KIF11: variants seen among roughly 807,000 people sequenced by gnomAD.
KIF11 encodes kinesin family member 11.
Under a neutral mutation model 121.0 loss-of-function variants are expected in KIF11, and 9 were observed. That is an observed-to-expected ratio of 0.07 (90% CI 0.04 to 0.13). The LOEUF is 0.13. Among genes scored for constraint, KIF11 ranks in the 10% least tolerant of loss-of-function variants. The pLI is 1.00. For missense variants in KIF11, 846 were observed against 1,217.5 expected (o/e 0.69, Z 4.54); for synonymous variants, 408 against 421.0 (o/e 0.97, Z 0.38).
chr10:92,654,239 C>T lies in KIF11; in HGVS notation c.*443C>T, dbSNP rs1449394518. On this transcript the variant is annotated 3_prime_UTR_variant, in exon 22 of 22. Transcript: ENST00000260731. ...ATTCAGTTGAATTTTGATATCTACC[C>T]ATTTTTCTGTCATCCCTATAGTTCA... 6.6e-6 allele frequency: 1 copy of T among 152,622 alleles called. No individual in the cohort carries two copies. Among genetic ancestry groups the T allele is most frequent in the Non-Finnish European group, 1.5e-5 (1 of 68,336 alleles). The allele number at this position is 152,622 out of a possible 1,614,324, so 9.5% of individuals were successfully genotyped here. A position where few individuals can be genotyped will look rare whatever the true frequency, so the allele number is the denominator to read the frequency against.
Position 92,633,810 on chromosome 10 carries a change from T to C in KIF11, c.1875+15T>C. On this transcript the variant is annotated intron_variant, in intron 14 of 21. Transcript: ENST00000260731. Reference sequence around the variant, plus strand: ...AGGAATTGATTGTTAGTACATCCTTTAAAATATTTTTGAAGGGTTGCATTT... The same window carrying C: ...AGGAATTGATTGTTAGTACATCCTTCAAAATATTTTTGAAGGGTTGCATTT... The C allele has an allele frequency of 2.0e-6, 3 of 1,495,486 alleles. No homozygotes were observed. Among genetic ancestry groups the C allele is most frequent in the Middle Eastern group, 1.9e-4 (1 of 5,354 alleles). The allele number at this position is 1,495,486 out of a possible 1,614,324, so 92.6% of individuals were successfully genotyped here. A position where few individuals can be genotyped will look rare whatever the true frequency, so the allele number is the denominator to read the frequency against.
chr10:92,637,072 T>A, intron 14 of KIF11, 112 bp from the exon 15 acceptor site: 1 of 792,612 alleles, frequency 1.3e-6, no homozygotes, highest in Non-Finnish European at 1.9e-6. Context: ...AATGGAAATG[T>A]AAATTTTAAT....
At chr10:92,635,186 T>C (rs184912619) in intron 14 of KIF11, among the ~76,000 whole-genome samples, 7 of 152,328 alleles carry the variant, frequency 4.6e-5, no homozygotes, top group Non-Finnish European at 7.4e-5. Context: ...ATACTACAAA[T>C]GTTAGCTGAC....
At chr10:92,595,728 C>T (rs192612721) in intron 1 of KIF11, among the ~76,000 whole-genome samples, 1 of 152,226 alleles carries the variant, frequency 6.6e-6, no homozygotes, top group African/African-American at 2.4e-5. Flanking sequence ...AACAATAACT[C>T]CCCATTTCCC....
At position 92,626,970 on chromosome 10, in the gene KIF11, G is replaced by C. The variant is rs112225052; in HGVS notation, c.1218-1838G>C. Among the ~76,000 whole-genome samples, 1,324 of 152,252 alleles carry C rather than the reference G, an allele frequency of 8.7e-3. 20 individuals are homozygous for C. The highest frequency in any genetic ancestry group is 0.03 in the African/African-American group (1,265 of 41,562). On this transcript the variant is annotated intron_variant, in intron 10 of 21. Transcript: ENST00000260731. ...GTAGAGACAGGGTTTCACCATGTTA[G>C]CCAGGATGGTCTTGATCTGCTGACT...
intron 14 of KIF11, 89 bp from the exon 15 acceptor site, chr10:92,637,095 C>A: frequency 1.0e-5 from 9 of 884,584 alleles, no homozygotes; most frequent in Non-Finnish European, 1.5e-5. Context: ...GAATGTTTAG[C>A]TACCAAAGTA....
At chr10:92,605,558 C>T (rs1456650081) in intron 1 of KIF11, among the ~76,000 whole-genome samples, 1 of 140,404 alleles carries the variant, frequency 7.1e-6, no homozygotes, top group East Asian at 2.1e-4. Flanking sequence ...GCGATCTTGG[C>T]TCACCGCAAC....
chr10:92,598,833 A>G (rs187444934), intron 1 of KIF11, among the ~76,000 whole-genome samples: 30 of 152,228 alleles, frequency 2.0e-4, no homozygotes, highest in African/African-American at 6.3e-4. Context: ...GCTGGAGTGC[A>G]GTGGCACAAT....
At chr10:92,601,399 C>T (rs540669237) in intron 1 of KIF11, among the ~76,000 whole-genome samples, 7 of 149,446 alleles carry the variant, frequency 4.7e-5, no homozygotes, top group African/African-American at 7.4e-5. Context: ...TTAGTAGAGA[C>T]GGGGTTTCGC....
chr10:92,624,694 G>A (rs58177786), intron 10 of KIF11, among the ~76,000 whole-genome samples: 2,497 of 151,704 alleles, frequency 0.016, 29 homozygotes, highest in Middle Eastern at 0.077. Flanking sequence ...TGTCTTTATG[G>A]TAGAACAATT....
At chr10:92,596,149 G>A (rs1844293448) in intron 1 of KIF11, among the ~76,000 whole-genome samples, 1 of 152,036 alleles carries the variant, frequency 6.6e-6, no homozygotes, top group African/African-American at 2.4e-5. Context: ...GACTACAGGC[G>A]CCTGCCATCT....
chr10:92,607,986 C>G (rs1844447896), intron 4 of KIF11, among the ~76,000 whole-genome samples: 1 of 151,154 alleles, frequency 6.6e-6, no homozygotes, highest in South Asian at 2.1e-4. Context: ...GAAACCCGGT[C>G]TCTACTAAAA....
At chr10:92,603,713 C>T (rs1844400572) in intron 1 of KIF11, among the ~76,000 whole-genome samples, 1 of 151,496 alleles carries the variant, frequency 6.6e-6, no homozygotes, top group Non-Finnish European at 1.5e-5. Flanking sequence ...ATCTCAAACT[C>T]CTGACCTCAA....
intron 17 of KIF11, among the ~76,000 whole-genome samples, chr10:92,644,406 C>T (rs1844898257): frequency 6.6e-6 from 1 of 152,112 alleles, no homozygotes; most frequent in South Asian, 2.1e-4. Context: ...ACCTCTGCCT[C>T]CTAGGGTCAA....
chr10:92,623,851 G>C (rs1485961762), intron 10 of KIF11, among the ~76,000 whole-genome samples: 1 of 151,968 alleles, frequency 6.6e-6, no homozygotes, highest in East Asian at 1.9e-4. Flanking sequence ...GTTTTCATTT[G>C]TTTAGTCCCA....
In KIF11 at chr10:92,606,673, A is replaced by T. The variant is rs1844434272; in HGVS notation, c.265A>T (p.Ile89Phe). 6.3e-7 allele frequency: 1 copy of T among 1,593,442 alleles called. No individual in the cohort carries two copies. Among genetic ancestry groups the T allele is most frequent in the Non-Finnish European group, 8.6e-7 (1 of 1,161,558 alleles). Reference sequence around the variant, plus strand: ...TGTTTACCGAAGTGTTGTTTGTCCAATTCTGGATGAAGTTATTATGGGCTA... The same window carrying T: ...TGTTTACCGAAGTGTTGTTTGTCCATTTCTGGATGAAGTTATTATGGGCTA... ...IDVYRSVVCPILDEVIMGYNC... is the reference protein window; with the variant it reads ...IDVYRSVVCPFLDEVIMGYNC... The change falls in exon 3 of 22, where the codon ATT (isoleucine) becomes TTT (phenylalanine). Residue 89 changes from isoleucine to phenylalanine, a missense_variant. Around this residue, in one of 5 missense-constraint regions of KIF11, gnomAD observed 140 missense variants for 193.5 expected, o/e 0.72. Coordinates refer to ENST00000260731, the MANE Select transcript of KIF11 (RefSeq NM_004523.4).
At chr10:92,608,003 A>G (rs1233981113) in intron 4 of KIF11, among the ~76,000 whole-genome samples, 1 of 151,864 alleles carries the variant, frequency 6.6e-6, no homozygotes, top group Non-Finnish European at 1.5e-5. Context: ...AAAAATACAA[A>G]AATTAGCTGG....
intron 18 of KIF11, among the ~76,000 whole-genome samples, chr10:92,647,276 GA>G (rs1424370580): frequency 6.6e-6 from 1 of 151,458 alleles, no homozygotes; most frequent in African/African-American, 2.4e-5. Flanking sequence ...TTTTTCAAGG[GA>G]AAAAATATGA....
chr10:92,599,949 CT>C (rs1174140289), intron 1 of KIF11, among the ~76,000 whole-genome samples: 1,412 of 128,940 alleles, frequency 0.011, 22 homozygotes, highest in African/African-American at 0.034. Context: ...CTGTGCCTGG[CT>C]TTTTTTTTTT....
Sources: gnomAD v4.1 joint callset for allele counts (sites outside exome capture counted in the v4.1 genomes callset) on GRCh38, gnomAD v4.1.1 for gene constraint, gnomAD v4.1.1 regional missense constraint, MANE v1.5 for transcripts, NCBI Gene and HGNC (gene_info 2026-07-23, HGNC 2026-07-21) for gene names.